The following TYW1 variants were observed in gnomAD, a reference collection of about 807,000 sequenced individuals.
TYW1 encodes the protein tRNA-yW synthesizing protein 1 homolog, also known as S-adenosyl-L-methionine-dependent tRNA 4-demethylwyosine synthase TYW1.
In TYW1, 46 loss-of-function variants were observed where a neutral mutation model predicts 96.2. The ratio of observed to expected loss-of-function variants is 0.48; its 90% confidence interval spans 0.38 to 0.61. The LOEUF is 0.61. TYW1 is among the 20% of genes least tolerant of loss of function. The pLI is 0.00. For synonymous variants in TYW1, 274 were observed against 323.0 expected (o/e 0.85, Z 1.63); for missense variants, 684 against 909.6 (o/e 0.75, Z 3.19).
intron 13 of TYW1, among the ~76,000 whole-genome samples, chr7:67,131,057 T>C (rs2690190): frequency 0.27 from 41,269 of 150,978 alleles, 6,459 homozygotes; most frequent in African/African-American, 0.43. Context: ...TGCATTTATC[T>C]GATCTCCTCT....
At chr7:67,132,052 A>G (rs1461098974) in intron 13 of TYW1, among the ~76,000 whole-genome samples, 3 of 152,038 alleles carry the variant, frequency 2.0e-5, no homozygotes, top group Admixed American at 6.6e-5. Flanking sequence ...TCCTTTGGCA[A>G]CACCCTCACA....
chr7:67,146,982 A>G lies in TYW1; in HGVS notation c.1698+29364A>G, dbSNP rs570862554. On this transcript the variant is annotated intron_variant, in intron 13 of 15. Transcript: ENST00000359626. ...ACAAAGATGTGTACAAGAAGGGCAC[A>G]TCTTCTTTCTTTTAAAATTATTTGC... Among the ~76,000 whole-genome samples the G allele has an allele frequency of 8.5e-4, 130 of 152,212 alleles. 1 individual carries two copies. Among genetic ancestry groups the G allele is most frequent in the African/African-American group, 3.1e-3 (129 of 41,512 alleles).
At chr7:67,231,041 A>C (rs1584724268) in intron 15 of TYW1, among the ~76,000 whole-genome samples, 1 of 152,084 alleles carries the variant, frequency 6.6e-6, no homozygotes, top group East Asian at 1.9e-4. Flanking sequence ...CCTAACATAC[A>C]CATACCAGAT....
chr7:67,040,744 T>C (rs568663616), intron 7 of TYW1, among the ~76,000 whole-genome samples: 1 of 151,772 alleles, frequency 6.6e-6, no homozygotes, highest in East Asian at 1.9e-4. Flanking sequence ...ACTGGGAGGC[T>C]GAGGTGGGAG....
At chr7:67,117,654 C>T (rs1386624741) in intron 13 of TYW1, 36 bp downstream of exon 13, 15 of 1,579,206 alleles carry the variant, frequency 9.5e-6, no homozygotes, top group Admixed American at 2.0e-5. Flanking sequence ...AAATAAACAA[C>T]CCTCAGGTGT....
At chr7:67,069,121 G>A (rs1795959094) in intron 10 of TYW1, among the ~76,000 whole-genome samples, 1 of 151,692 alleles carries the variant, frequency 6.6e-6, no homozygotes, top group Non-Finnish European at 1.5e-5. Flanking sequence ...TATTATAAAT[G>A]CTTATAATAA....
chr7:67,216,773 ACTTTT>A (rs1230642059), intron 15 of TYW1, among the ~76,000 whole-genome samples: 3 of 150,222 alleles, frequency 2.0e-5, no homozygotes, highest in African/African-American at 7.4e-5. Flanking sequence ...GCCCTATAGA[ACTTTT>A]CTTGTCATTG....
At chr7:67,029,122 C>T (rs1239313830) in intron 7 of TYW1, among the ~76,000 whole-genome samples, 1 of 151,774 alleles carries the variant, frequency 6.6e-6, no homozygotes, top group Non-Finnish European at 1.5e-5. Context: ...CCTCAGCCTC[C>T]CGAGTAGCTG....
intron 13 of TYW1, among the ~76,000 whole-genome samples, chr7:67,119,472 T>C (rs17144710): frequency 1.3e-5 from 2 of 151,970 alleles, no homozygotes; most frequent in Non-Finnish European, 2.9e-5. Flanking sequence ...TTTCTGCACA[T>C]GTACCCACCA....
intron 11 of TYW1, among the ~76,000 whole-genome samples, chr7:67,096,049 T>G (rs1427675762): frequency 6.6e-6 from 1 of 152,182 alleles, no homozygotes; most frequent in African/African-American, 2.4e-5. Context: ...CAACAAAAAT[T>G]CTTCAAGGTA....
At chr7:67,011,777 GC>G (rs1728961775) in intron 4 of TYW1, among the ~76,000 whole-genome samples, 1 of 151,900 alleles carries the variant, frequency 6.6e-6, no homozygotes, top group Admixed American at 6.6e-5. Flanking sequence ...GGAGGCTGAG[GC>G]AGGAGAATTG....
At chr7:67,157,830 G>A (rs1204554689) in intron 13 of TYW1, among the ~76,000 whole-genome samples, 1 of 152,084 alleles carries the variant, frequency 6.6e-6, no homozygotes, top group Non-Finnish European at 1.5e-5. Flanking sequence ...GGATTTTTCT[G>A]ATACTTTTCT....
intron 14 of TYW1, among the ~76,000 whole-genome samples, chr7:67,183,571 A>G (rs1799909100): frequency 6.6e-6 from 1 of 152,212 alleles, no homozygotes; most frequent in African/African-American, 2.4e-5. Context: ...TGGCTTTTAC[A>G]TAAACCTTTA....
At chr7:67,238,068 C>T (rs1383291354) in intron 15 of TYW1, among the ~76,000 whole-genome samples, 6 of 151,610 alleles carry the variant, frequency 4.0e-5, no homozygotes, top group Non-Finnish European at 5.9e-5. Context: ...GACTTGTCTT[C>T]CGGGCCCAGC....
intron 11 of TYW1, among the ~76,000 whole-genome samples, chr7:67,097,459 C>A (rs1367159802): frequency 3.3e-5 from 5 of 152,196 alleles, no homozygotes; most frequent in African/African-American, 9.7e-5. Context: ...AGTGCGGTGG[C>A]ACTGTCTCCT....
Position 67,137,814 on chromosome 7 carries a change from G to T in TYW1, c.1698+20196G>T, listed in dbSNP as rs532914227. ...CTGCATCAGACATCCTGTCCAAAGG[G>T]CCTAGTTTTCTCATCTCTGTGGTGC... On this transcript the variant is annotated intron_variant, in intron 13 of 15. Transcript: ENST00000359626. 4.3e-4 allele frequency among the ~76,000 whole-genome samples: 66 copies of T among 152,266 alleles called. 1 individual carries two copies. The highest frequency in any genetic ancestry group is 8.4e-4 in the Non-Finnish European group (57 of 68,018).
chr7:67,032,919 C>T (rs1356670696), intron 7 of TYW1, among the ~76,000 whole-genome samples: 1 of 59,280 alleles, frequency 1.7e-5, no homozygotes, highest in African/African-American at 9.6e-5. Context: ...TTTTTTGAGA[C>T]AGAATCTCGC....
chr7:67,151,608 T>A (rs1376101472), intron 13 of TYW1, among the ~76,000 whole-genome samples: 1 of 152,082 alleles, frequency 6.6e-6, no homozygotes, highest in Non-Finnish European at 1.5e-5. Context: ...AGTAGCAGGA[T>A]TTTGCAAACA....
intron 10 of TYW1, among the ~76,000 whole-genome samples, chr7:67,079,741 TC>T (rs2115749230): frequency 6.6e-6 from 1 of 152,262 alleles, no homozygotes; most frequent in Admixed American, 6.5e-5. Flanking sequence ...ATTATAAACT[TC>T]CCTCTTAGTA....
Sources: allele counts gnomAD v4.1 joint callset (sites outside exome capture counted in the v4.1 genomes callset), GRCh38; gene constraint gnomAD v4.1.1; transcripts MANE v1.5; gene names NCBI Gene and HGNC (gene_info 2026-07-23, HGNC 2026-07-21).